Variants in DPP6 observed in about 807,000 individuals in gnomAD.
DPP6 encodes A-type potassium channel modulatory protein DPP6.
Under a neutral mutation model 122.6 loss-of-function variants are expected in DPP6, and 69 were observed. The ratio of observed to expected loss-of-function variants is 0.56; its 90% CI spans 0.46 to 0.69. The LOEUF (loss-of-function observed/expected upper bound fraction) is 0.69. Among genes scored for constraint, DPP6 ranks in the 30% least tolerant of loss-of-function variants. The pLI is 0.00. For missense variants in DPP6, 928 were observed against 1,116.9 expected (o/e 0.83, Z 2.41); for synonymous variants, 418 against 433.1 (o/e 0.97, Z 0.43).
At chr7:154,464,554 A>G (rs1015007593) in intron 2 of DPP6, among the ~76,000 whole-genome samples, 4 of 152,254 alleles carry the variant, frequency 2.6e-5, no homozygotes, top group African/African-American at 9.6e-5. Flanking sequence ...ACAATTTTAT[A>G]CTTAAACAAA....
At chr7:153,936,821 A>AG (rs1245315920) in intron 1 of DPP6, among the ~76,000 whole-genome samples, 1 of 140,996 alleles carries the variant, frequency 7.1e-6, no homozygotes, top group East Asian at 2.0e-4. Flanking sequence ...AAAAAAAAAA[A>AG]GAAATGTGAG....
chr7:154,483,172 G>A lies in DPP6; in HGVS notation c.457+8135G>A, dbSNP rs182243543. The stretch of plus-strand genomic sequence containing the variant: ...AGGAGGAGAACTTCTACCACGCCAC[G>A]TCAAAGTCAAGGCAGGAGAAAATGC... On this transcript the variant is annotated intron_variant, in intron 3 of 25. Coordinates refer to ENST00000377770, the MANE Select transcript of DPP6 (RefSeq NM_130797.4). This position sits in a 1 kb window ranked among gnomAD's most constrained non-coding sequence, Gnocchi z 8.1. Among the ~76,000 whole-genome samples the A allele has an allele frequency of 2.6e-5, 4 of 152,164 alleles. No individual in the cohort carries two copies. The highest frequency in any genetic ancestry group is 1.3e-4 in the Admixed American group (2 of 15,288).
intron 1 of DPP6, among the ~76,000 whole-genome samples, chr7:154,132,563 C>T (rs2150637628): frequency 6.6e-6 from 1 of 152,286 alleles, no homozygotes; most frequent in Non-Finnish European, 1.5e-5. Flanking sequence ...CATGACGACA[C>T]CTCTGCTTCA....
chr7:154,401,553 A>T (rs952270928), intron 1 of DPP6, among the ~76,000 whole-genome samples: 1 of 152,180 alleles, frequency 6.6e-6, no homozygotes, highest in East Asian at 1.9e-4. Flanking sequence ...GTCGTCTTTA[A>T]AACTCTGGGA....
At chr7:153,850,520 G>T in the DPP6 span, among the ~76,000 whole-genome samples, 2 of 152,120 alleles carry the variant, frequency 1.3e-5, no homozygotes, top group Non-Finnish European at 2.9e-5. Flanking sequence ...GAAACCATAG[G>T]TCCTATTCAT....
At chr7:154,294,600 A>G (rs1805414776) in intron 1 of DPP6, among the ~76,000 whole-genome samples, 1 of 152,178 alleles carries the variant, frequency 6.6e-6, no homozygotes, top group African/African-American at 2.4e-5. Flanking sequence ...TACATAAGAC[A>G]TTCTCCTATG....
intron 1 of DPP6, among the ~76,000 whole-genome samples, chr7:154,186,963 T>G (rs1798381882): frequency 6.6e-6 from 1 of 152,226 alleles, no homozygotes; most frequent in Non-Finnish European, 1.5e-5. Flanking sequence ...TGACTGGGCT[T>G]CCTCCAGGCT....
rs1323297289 is a variant in DPP6, at chr7:154,883,923, CACACAT to C, written c.2134-1704_2134-1699del. The C allele has an allele frequency of 5.0e-5, 3 of 60,466 alleles. No homozygotes were observed. The Admixed American group carries it at 6.6e-4, about 13-fold the overall frequency. 3.7% of individuals were successfully genotyped at this position (60,466 alleles called of 1,614,324 possible). On this transcript the variant is annotated intron_variant, in intron 21 of 25. Transcript: ENST00000377770. ...TTACATACACATGCTCACACACGCTCACACATACACACGAGTACATACACGCTGACA... is the reference window on the plus strand; with the variant it reads ...TTACATACACATGCTCACACACGCTCACACACGAGTACATACACGCTGACA...
At chr7:154,193,531 G>A (rs1384958101) in intron 1 of DPP6, among the ~76,000 whole-genome samples, 1 of 152,102 alleles carries the variant, frequency 6.6e-6, no homozygotes, top group Non-Finnish European at 1.5e-5. Context: ...TGAATGGAGG[G>A]GCAGACTGGG....
chr7:154,097,257 C>T (rs1237047447), intron 1 of DPP6, among the ~76,000 whole-genome samples: 6 of 152,266 alleles, frequency 3.9e-5, no homozygotes, highest in Non-Finnish European at 8.8e-5. Context: ...GTCCTACAAA[C>T]ACCCTCATAA....
intron 10 of DPP6, among the ~76,000 whole-genome samples, chr7:154,779,063 A>C (rs111204741): frequency 4.4e-4 from 1 of 2,248 alleles, no homozygotes; most frequent in Admixed American, 5.1e-3. Context: ...CACCATCACC[A>C]CCATCACCTC....
chr7:154,446,368 G>A (rs1238060997), intron 2 of DPP6, 40 bp downstream of exon 2: 1 of 1,509,644 alleles, frequency 6.6e-7, no homozygotes, highest in Non-Finnish European at 9.1e-7. Context: ...CGCTGTCAGA[G>A]AGAAAGAGCA....
chr7:154,561,356 A>G (rs1830415798), intron 4 of DPP6, among the ~76,000 whole-genome samples: 1 of 152,226 alleles, frequency 6.6e-6, no homozygotes, highest in South Asian at 2.1e-4. Flanking sequence ...TGGGCCATTA[A>G]ACAAGTCTCA....
intron 1 of DPP6, among the ~76,000 whole-genome samples, chr7:154,276,176 TACAA>T (rs1450907082): frequency 3.3e-5 from 5 of 152,356 alleles, no homozygotes; most frequent in African/African-American, 1.2e-4. Context: ...GATATTATCT[TACAA>T]ATACCTGTTA....
At chr7:154,375,885 G>A (rs1239067869) in intron 1 of DPP6, among the ~76,000 whole-genome samples, 1 of 152,156 alleles carries the variant, frequency 6.6e-6, no homozygotes, top group Non-Finnish European at 1.5e-5. Context: ...TTTCATGAAT[G>A]GACGCAGAGT....
chr7:154,477,586 G>A (rs1021913479), intron 3 of DPP6, among the ~76,000 whole-genome samples: 2 of 152,082 alleles, frequency 1.3e-5, no homozygotes, highest in African/African-American at 2.4e-5. Context: ...GATGTTTCTG[G>A]AGGAACGTGT....
At chr7:154,501,042 T>C (rs187181587) in intron 3 of DPP6, among the ~76,000 whole-genome samples, 1 of 152,306 alleles carries the variant, frequency 6.6e-6, no homozygotes, top group East Asian at 1.9e-4. Context: ...TTTTGTTATG[T>C]TTTAGCAATG....
At chr7:154,005,245 C>T (rs12112278) in intron 1 of DPP6, among the ~76,000 whole-genome samples, 11,413 of 152,046 alleles carry the variant, frequency 0.075, 826 homozygotes, top group East Asian at 0.26. Context: ...TTTGCTCTAG[C>T]CTTATGGAAT....
intron 20 of DPP6, among the ~76,000 whole-genome samples, chr7:154,880,312 G>A (rs1805283514): frequency 6.6e-6 from 1 of 152,220 alleles, no homozygotes. Flanking sequence ...GCACCAAGCG[G>A]CTGCTGCCAA....
Sources: allele counts gnomAD v4.1 joint callset (sites outside exome capture counted in the v4.1 genomes callset), GRCh38; gene constraint gnomAD v4.1.1; non-coding constraint Gnocchi (gnomAD v3.1); transcripts MANE v1.5; gene names NCBI Gene and HGNC (gene_info 2026-07-23, HGNC 2026-07-21).